ETFA: variants seen among roughly 807,000 people sequenced by gnomAD.
ETFA encodes electron transfer flavoprotein subunit alpha, mitochondrial.
ETFA carries 22 observed loss-of-function variants against 46.2 expected under a neutral mutation model. The observed-to-expected ratio is 0.48, with a 90% CI of 0.34 to 0.68. The LOEUF is 0.68. Among genes scored for constraint, ETFA ranks in the 30% least tolerant of loss-of-function variants. The probability of loss-of-function intolerance (pLI) is 0.01; values close to 1 mark genes in which losing one functional copy is unlikely to be tolerated. For synonymous variants in ETFA, 131 were observed against 139.9 expected (o/e 0.94, Z 0.45); for missense variants, 345 against 401.1 (o/e 0.86, Z 1.19).
At chr15:76,311,325 G>C in intron 1 of ETFA, 25 bp downstream of exon 1, 1 of 1,552,898 alleles carries the variant, frequency 6.4e-7, no homozygotes, top group Middle Eastern at 1.7e-4. Flanking sequence ...CCGTCCCTGG[G>C]TTCGCCTTCC....
At chr15:76,285,578 T>TA (rs376930919) in intron 7 of ETFA, 59 bp downstream of exon 7, 12,596 of 792,786 alleles carry the variant, frequency 0.016, 2 homozygotes, top group East Asian at 0.02. Context: ...ATACTAAAAA[T>TA]AAAAAAAAAA....
intron 9 of ETFA, among the ~76,000 whole-genome samples, chr15:76,263,490 C>T (rs1461604656): frequency 6.6e-6 from 1 of 152,210 alleles, no homozygotes. Flanking sequence ...GAAGTTAAAG[C>T]AAACATTTTG....
intron 1 of ETFA, among the ~76,000 whole-genome samples, chr15:76,307,157 T>C (rs2039947194): frequency 1.3e-5 from 2 of 152,092 alleles, no homozygotes; most frequent in African/African-American, 4.8e-5. Flanking sequence ...CTGCATCTTC[T>C]TATTCTTCAA....
intron 11 of ETFA, among the ~76,000 whole-genome samples, chr15:76,224,849 A>G (rs1194416531): frequency 6.6e-6 from 1 of 152,212 alleles, no homozygotes; most frequent in Non-Finnish European, 1.5e-5. Flanking sequence ...CAGGCCACGC[A>G]TGAGTCATGA....
intron 4 of ETFA, among the ~76,000 whole-genome samples, chr15:76,290,133 T>TA (rs1278587664): frequency 6.6e-6 from 1 of 152,204 alleles, no homozygotes; most frequent in Non-Finnish European, 1.5e-5. Flanking sequence ...TACATAGCAT[T>TA]TGACTCAGTG....
chr15:76,286,325 T>C, intron 6 of ETFA, 46 bp downstream of exon 6: 1 of 1,103,610 alleles, frequency 9.1e-7, no homozygotes. Flanking sequence ...GTCTATGAAT[T>C]AAAAAAGTAA....
intron 9 of ETFA, among the ~76,000 whole-genome samples, chr15:76,264,570 G>A (rs1317131164): frequency 6.6e-6 from 1 of 152,212 alleles, no homozygotes; most frequent in Non-Finnish European, 1.5e-5. Flanking sequence ...GGCTGTGGCT[G>A]TATATAAAGC....
intron 9 of ETFA, 196 bp downstream of exon 9, chr15:76,274,216 T>C: frequency 1.7e-6 from 1 of 579,364 alleles, no homozygotes; most frequent in South Asian, 2.2e-5. Flanking sequence ...AATAATAAGC[T>C]GGATTTAAGA....
intron 9 of ETFA, among the ~76,000 whole-genome samples, chr15:76,232,848 A>G (rs2141465279): frequency 6.6e-6 from 1 of 152,314 alleles, no homozygotes; most frequent in South Asian, 2.1e-4. Flanking sequence ...CCACTACAAT[A>G]AGTGATCCCT....
chr15:76,245,352 A>G (rs961946903), intron 9 of ETFA: 2 of 152,234 alleles, frequency 1.3e-5, no homozygotes, highest in African/African-American at 4.8e-5. Flanking sequence ...CAGAGCATCA[A>G]TTTGTGAACA....
At chr15:76,259,430 A>G (rs1217396203) in intron 9 of ETFA, 14 of 1,084,528 alleles carry the variant, frequency 1.3e-5, no homozygotes, top group Non-Finnish European at 1.9e-5. Context: ...GTGGGAGTGT[A>G]AGAACGTCCT....
At chr15:76,272,609 A>C (rs1475310141) in intron 9 of ETFA, among the ~76,000 whole-genome samples, 2 of 151,960 alleles carry the variant, frequency 1.3e-5, no homozygotes, top group African/African-American at 4.8e-5. Context: ...TACTTATGTA[A>C]AATTGAAAGA....
chr15:76,227,596 A>G, intron 10 of ETFA: 2 of 323,390 alleles, frequency 6.2e-6, no homozygotes, highest in African/African-American at 2.2e-5. Context: ...ATAGTTTGGT[A>G]TTCCCCACAG....
intron 9 of ETFA, among the ~76,000 whole-genome samples, chr15:76,273,322 G>A (rs181295212): frequency 6.6e-5 from 10 of 152,258 alleles, no homozygotes; most frequent in Admixed American, 3.9e-4. Context: ...TTGGGAGGCC[G>A]AGGCAGGTGG....
At chr15:76,219,465 A>G (rs892282495) in intron 11 of ETFA, among the ~76,000 whole-genome samples, 2 of 152,246 alleles carry the variant, frequency 1.3e-5, no homozygotes. Context: ...AAATAAAAAA[A>G]AAGATAAATT....
intron 4 of ETFA, among the ~76,000 whole-genome samples, chr15:76,290,153 C>T (rs2039745460): frequency 6.6e-6 from 1 of 152,132 alleles, no homozygotes; most frequent in Admixed American, 6.6e-5. Flanking sequence ...GATTTCACCT[C>T]TAGAACTCTA....
chr15:76,297,624 T>C (rs2039838537), intron 1 of ETFA, among the ~76,000 whole-genome samples: 1 of 152,132 alleles, frequency 6.6e-6, no homozygotes, highest in Non-Finnish European at 1.5e-5. Flanking sequence ...AATTAAGTAG[T>C]TATCCTAAGG....
chr15:76,250,855 T>C (rs1465868887), intron 9 of ETFA, among the ~76,000 whole-genome samples: 1 of 151,944 alleles, frequency 6.6e-6, no homozygotes, highest in Admixed American at 6.6e-5. Context: ...ATGGTTACTT[T>C]TGAGGGGAGG....
chr15:76,248,336 T>TG (rs1459647088), intron 9 of ETFA, among the ~76,000 whole-genome samples: 1 of 152,100 alleles, frequency 6.6e-6, no homozygotes, highest in African/African-American at 2.4e-5. Context: ...ATTAACTACA[T>TG]GGGGGGAAAA....
Sources: allele counts gnomAD v4.1 joint callset (sites outside exome capture counted in the v4.1 genomes callset), GRCh38; gene constraint gnomAD v4.1.1; transcripts MANE v1.5; gene names NCBI Gene and HGNC (gene_info 2026-07-23, HGNC 2026-07-21).